Variants in PARPBP observed in about 807,000 individuals in gnomAD.
PARPBP encodes PCNA-interacting partner.
In PARPBP, 52 loss-of-function variants were observed where a neutral mutation model predicts 50.0. That is an observed-to-expected ratio of 1.04 (90% confidence interval 0.83 to 1.31). The LOEUF (loss-of-function observed/expected upper bound fraction) is 1.31. Ranked by LOEUF, PARPBP falls within the 50% of genes most tolerant of loss-of-function variation. The pLI is 0.00. For synonymous variants in PARPBP, 244 were observed against 232.1 expected, an observed-to-expected ratio of 1.05 and a Z score of -0.47; for missense variants, 697 against 672.0, an observed-to-expected ratio of 1.04 and a Z score of -0.41.
intron 2 of PARPBP, among the ~76,000 whole-genome samples, chr12:102,133,188 T>G (rs1020318034): frequency 2.0e-5 from 3 of 152,150 alleles, no homozygotes; most frequent in Admixed American, 6.6e-5. Context: ...CTATGTTGAA[T>G]AGAAGTGGGA....
intron 2 of PARPBP, among the ~76,000 whole-genome samples, chr12:102,138,821 G>A (rs1884087386): frequency 6.6e-6 from 1 of 152,042 alleles, no homozygotes; most frequent in Admixed American, 6.6e-5. Flanking sequence ...TATTTCTGAG[G>A]GCTCTGTTCT....
intron 9 of PARPBP, among the ~76,000 whole-genome samples, chr12:102,183,869 G>T (rs1890059573): frequency 6.6e-6 from 1 of 151,902 alleles, no homozygotes; most frequent in African/African-American, 2.4e-5. Flanking sequence ...GAGGTCAGAA[G>T]TTCGAGACCA....
At chr12:102,156,176 CT>C (rs869213784) in intron 4 of PARPBP, among the ~76,000 whole-genome samples, 137 of 66,150 alleles carry the variant, frequency 2.1e-3, no homozygotes, top group East Asian at 0.013. Flanking sequence ...ATTAACCTTC[CT>C]TTTTTTTTTT....
At chr12:102,189,083 A>G (rs1386232077) in intron 9 of PARPBP, among the ~76,000 whole-genome samples, 1 of 152,190 alleles carries the variant, frequency 6.6e-6, no homozygotes, top group African/African-American at 2.4e-5. Context: ...GAGTCCCAGA[A>G]TGAGAGGAGA....
intron 2 of PARPBP, among the ~76,000 whole-genome samples, chr12:102,142,409 C>T (rs1479024175): frequency 2.6e-5 from 4 of 152,046 alleles, no homozygotes; most frequent in African/African-American, 9.7e-5. Flanking sequence ...AAGTTTTTAC[C>T]TTCTTTGCAA....
chr12:102,196,944 A>C lies in PARPBP; in HGVS notation c.*653A>C. 1 of 1,548,412 alleles carries C rather than the reference A, an allele frequency of 6.5e-7. No homozygotes were observed. The highest frequency in any genetic ancestry group is 8.9e-7 in the Non-Finnish European group (1 of 1,122,450). ...GTTCTGTTTAATGGTGGTAGGATGT[A>C]AGAATTGAATTTTGAAAAGACTACT... On this transcript the variant is annotated 3_prime_UTR_variant, in exon 11 of 11. Coordinates refer to ENST00000327680, the MANE Select transcript of PARPBP (RefSeq NM_017915.5).
chr12:102,183,187 T>C (rs778938330), intron 9 of PARPBP, among the ~76,000 whole-genome samples: 1 of 152,182 alleles, frequency 6.6e-6, no homozygotes, highest in Non-Finnish European at 1.5e-5. Flanking sequence ...ATTGGCCTTA[T>C]TTTTCAAAAA....
chr12:102,196,332 C>CT lies in PARPBP; in HGVS notation c.*41_*42insT. On this transcript the variant is annotated 3_prime_UTR_variant, in exon 11 of 11. Transcript: ENST00000327680. ...GCTTTAGGTTTATGTATCTATAAACCATTCACCAAAGACATGCTTAATTTT... is the reference window on the plus strand; with the variant it reads ...GCTTTAGGTTTATGTATCTATAAACCTATTCACCAAAGACATGCTTAATTTT... 1 of 1,268,944 alleles carries CT rather than the reference C, an allele frequency of 7.9e-7. No homozygotes were observed. Among genetic ancestry groups the CT allele is most frequent in the Non-Finnish European group, 1.1e-6 (1 of 909,792 alleles). The allele number at this position is 1,268,944 out of a possible 1,614,324, so 78.6% of individuals were successfully genotyped here.
chr12:102,185,817 C>A (rs1288653982), intron 9 of PARPBP, among the ~76,000 whole-genome samples: 1 of 151,998 alleles, frequency 6.6e-6, no homozygotes, highest in African/African-American at 2.4e-5. Context: ...CCATGCCCAG[C>A]TAGTTTTTGT....
chr12:102,180,230 G>T (rs1467808198), intron 8 of PARPBP, among the ~76,000 whole-genome samples: 1 of 152,120 alleles, frequency 6.6e-6, no homozygotes, highest in African/African-American at 2.4e-5. Context: ...ACAGTAAAAA[G>T]AAATAAATGA....
At chr12:102,171,171 G>C (rs1888685615) in intron 6 of PARPBP, among the ~76,000 whole-genome samples, 1 of 150,882 alleles carries the variant, frequency 6.6e-6, no homozygotes, top group Non-Finnish European at 1.5e-5. Context: ...TAAATAAGTA[G>C]AAGGAGTACA....
At chr12:102,125,786 A>G (rs1262012149) in intron 2 of PARPBP, among the ~76,000 whole-genome samples, 1 of 152,240 alleles carries the variant, frequency 6.6e-6, no homozygotes, top group East Asian at 1.9e-4. Flanking sequence ...TCATACAAAT[A>G]CATGTAAACT....
intron 2 of PARPBP, among the ~76,000 whole-genome samples, chr12:102,132,526 T>C (rs1425917976): frequency 1.2e-4 from 19 of 152,236 alleles, no homozygotes; most frequent in Admixed American, 1.2e-3. Flanking sequence ...TATGTTTTTA[T>C]GCTAGTACTA....
intron 2 of PARPBP, among the ~76,000 whole-genome samples, chr12:102,128,253 A>G (rs966627962): frequency 2.0e-5 from 3 of 151,600 alleles, no homozygotes; most frequent in South Asian, 2.1e-4. Context: ...TGTTTTTTTG[A>G]TGGAGTCTCA....
At chr12:102,157,906 G>C (rs777379530) in intron 4 of PARPBP, among the ~76,000 whole-genome samples, 2 of 151,890 alleles carry the variant, frequency 1.3e-5, no homozygotes, top group Non-Finnish European at 2.9e-5. Context: ...GGATCACAAG[G>C]TCAGGAGATC....
chr12:102,158,844 G>A (rs1487785407), intron 4 of PARPBP, among the ~76,000 whole-genome samples: 1 of 152,014 alleles, frequency 6.6e-6, no homozygotes, highest in East Asian at 1.9e-4. Context: ...AAAGAATTAA[G>A]CTTTTAGAAC....
intron 8 of PARPBP, among the ~76,000 whole-genome samples, chr12:102,179,634 C>G (rs541514445): frequency 6.6e-6 from 1 of 152,214 alleles, no homozygotes; most frequent in Admixed American, 6.5e-5. Context: ...AGATTTGGAT[C>G]CCACCCATGT....
chr12:102,151,072 C>CAA lies in PARPBP; in HGVS notation c.387+2609_387+2610insAA, dbSNP rs143257855. Among the ~76,000 whole-genome samples the CAA allele has an allele frequency of 3.4e-3, 510 of 151,800 alleles. 2 individuals are homozygous for CAA. The highest frequency in any genetic ancestry group is 0.012 in the African/African-American group (477 of 41,228). ...AAAAGCTAATGAAGAAAACAACACA[C>CAA]CATTTAAGGGTTTCCAGCAGCCAGA... On this transcript the variant is annotated intron_variant, in intron 3 of 10. Transcript: ENST00000327680.
chr12:102,151,586 C>T (rs768086735), intron 3 of PARPBP: 4 of 1,535,442 alleles, frequency 2.6e-6, no homozygotes, highest in Non-Finnish European at 3.5e-6. Context: ...ACTATACAGC[C>T]ACCTTCAGAA....
Sources: allele counts gnomAD v4.1 joint callset (sites outside exome capture counted in the v4.1 genomes callset), GRCh38; gene constraint gnomAD v4.1.1; transcripts MANE v1.5; gene names NCBI Gene and HGNC (gene_info 2026-07-23, HGNC 2026-07-21).